ATRNL1: variants seen among roughly 807,000 people sequenced by gnomAD.
The protein encoded by ATRNL1 is attractin-like protein 1.
Under a neutral mutation model 182.7 loss-of-function variants are expected in ATRNL1, and 95 were observed. That is an observed-to-expected ratio of 0.52 (90% CI 0.44 to 0.62). ATRNL1 has a LOEUF of 0.62. Ranked by LOEUF, ATRNL1 falls within the 20% of genes least tolerant of loss-of-function variation. The pLI is 0.00. For synonymous variants in ATRNL1, 576 were observed against 568.3 expected, an observed-to-expected ratio of 1.01 and a Z score of -0.19; for missense variants, 1,471 against 1,679.5, an observed-to-expected ratio of 0.88 and a Z score of 2.17.
intron 15 of ATRNL1, among the ~76,000 whole-genome samples, chr10:115,299,539 T>A (rs1853369217): frequency 6.6e-6 from 1 of 152,122 alleles, no homozygotes; most frequent in East Asian, 1.9e-4. Context: ...GTCTTTTTGC[T>A]AGGTCTTGTT....
At chr10:115,202,973 G>T (rs536188002) in intron 8 of ATRNL1, among the ~76,000 whole-genome samples, 1 of 151,588 alleles carries the variant, frequency 6.6e-6, no homozygotes, top group African/African-American at 2.4e-5. Context: ...GAGTGTATGT[G>T]TCGAGGAATT....
intron 26 of ATRNL1, among the ~76,000 whole-genome samples, chr10:115,660,028 G>A (rs11197390): frequency 0.012 from 1,769 of 152,208 alleles, 36 homozygotes; most frequent in African/African-American, 0.04. Context: ...ACATGAACAG[G>A]TTGTAACTTT....
intron 19 of ATRNL1, among the ~76,000 whole-genome samples, chr10:115,384,829 T>C (rs1043953817): frequency 7.2e-5 from 11 of 152,018 alleles, no homozygotes; most frequent in Non-Finnish European, 1.3e-4. Context: ...TTCTGATTTC[T>C]TTCACTCAGC....
At chr10:115,293,934 T>C (rs562778528) in intron 15 of ATRNL1, among the ~76,000 whole-genome samples, 56 of 152,326 alleles carry the variant, frequency 3.7e-4, no homozygotes, top group African/African-American at 1.3e-3. Context: ...GTGTGCATTG[T>C]AGAGGACCTG....
At chr10:115,840,904 A>G (rs1469700753) in intron 27 of ATRNL1, among the ~76,000 whole-genome samples, 13 of 152,084 alleles carry the variant, frequency 8.5e-5, no homozygotes, top group African/African-American at 2.9e-4. Context: ...TGGCAGGCAC[A>G]GTTGTCTCTC....
rs77829686 is a variant in ATRNL1, at chr10:115,440,032, G to A, written c.3322+13730G>A. Among the ~76,000 whole-genome samples the A allele has an allele frequency of 2.5e-3, 386 of 151,754 alleles. 8 individuals carry two copies. The East Asian group carries it at 0.052, about 21-fold the overall frequency. On this transcript the variant is annotated intron_variant, in intron 21 of 28. Transcript: ENST00000355044. ...TTTATTTATATCGGTATGAACTCAT[G>A]GATATCTATTTAATTTTATGATTTA...
intron 28 of ATRNL1, among the ~76,000 whole-genome samples, chr10:115,874,153 T>C (rs1307335886): frequency 6.6e-6 from 1 of 152,180 alleles, no homozygotes; most frequent in African/African-American, 2.4e-5. Flanking sequence ...AGAAGATCTG[T>C]TGCCTTTTCT....
At chr10:115,605,706 G>A (rs1379384500) in intron 26 of ATRNL1, among the ~76,000 whole-genome samples, 2 of 151,790 alleles carry the variant, frequency 1.3e-5, no homozygotes, top group East Asian at 3.9e-4. Flanking sequence ...CTTTTAGTAT[G>A]CATATACAGA....
intron 19 of ATRNL1, among the ~76,000 whole-genome samples, chr10:115,347,079 T>C (rs1379698193): frequency 6.6e-6 from 1 of 152,146 alleles, no homozygotes; most frequent in African/African-American, 2.4e-5. Context: ...TTTAGGAATA[T>C]GTTCCCCTTT....
At chr10:115,925,679 T>C (rs1371943914) in intron 28 of ATRNL1, among the ~76,000 whole-genome samples, 3 of 152,020 alleles carry the variant, frequency 2.0e-5, no homozygotes, top group Non-Finnish European at 4.4e-5. Flanking sequence ...GGGCATTACA[T>C]AACGGTAGAG....
At chr10:115,267,644 CT>C (rs200342792) in intron 12 of ATRNL1, among the ~76,000 whole-genome samples, 1,781 of 152,012 alleles carry the variant, frequency 0.012, 34 homozygotes, top group African/African-American at 0.04. Flanking sequence ...ATTCAGATGT[CT>C]TTTATATCTT....
At chr10:115,841,087 T>C (rs1320283735) in intron 27 of ATRNL1, among the ~76,000 whole-genome samples, 1 of 152,126 alleles carries the variant, frequency 6.6e-6, no homozygotes, top group Non-Finnish European at 1.5e-5. Context: ...TTTTGAAAAA[T>C]GCTAACAGGA....
intron 19 of ATRNL1, among the ~76,000 whole-genome samples, chr10:115,392,342 A>G (rs1045600390): frequency 7.9e-5 from 12 of 152,146 alleles, no homozygotes; most frequent in African/African-American, 2.9e-4. Flanking sequence ...ATTCAGTGCA[A>G]TACATTTTTC....
chr10:115,495,914 T>C (rs7075419), intron 24 of ATRNL1, among the ~76,000 whole-genome samples: 5,496 of 152,232 alleles, frequency 0.036, 297 homozygotes, highest in African/African-American at 0.12. Context: ...AATATTGCCA[T>C]TGGGATGTTG....
intron 3 of ATRNL1, among the ~76,000 whole-genome samples, chr10:115,124,527 G>C (rs1554872773): frequency 6.6e-6 from 1 of 152,088 alleles, no homozygotes; most frequent in Non-Finnish European, 1.5e-5. Flanking sequence ...GTTTCATTAT[G>C]TAGCCATGAG....
chr10:115,848,088 C>T (rs1410902609), intron 28 of ATRNL1, 97 bp downstream of exon 28: 2 of 709,848 alleles, frequency 2.8e-6, no homozygotes, highest in Non-Finnish European at 4.9e-6. Flanking sequence ...AGGACCTTTG[C>T]AAGGTTCTAA....
intron 26 of ATRNL1, among the ~76,000 whole-genome samples, chr10:115,721,932 C>A (rs1947439599): frequency 6.6e-6 from 1 of 152,166 alleles, no homozygotes; most frequent in African/African-American, 2.4e-5. Context: ...AATAACTGAA[C>A]AACCTACCTG....
At chr10:115,223,929 A>AT (rs1223695295) in intron 9 of ATRNL1, among the ~76,000 whole-genome samples, 14 of 44,734 alleles carry the variant, frequency 3.1e-4, no homozygotes, top group South Asian at 7.8e-4. Flanking sequence ...ATATATATAT[A>AT]TTTTTTTTTT....
chr10:115,215,733 C>G lies in ATRNL1; in HGVS notation c.1385C>G (p.Ala462Gly). Residue 462 changes from alanine (A) to glycine (G), a missense_variant, in exon 9 of 29, where the codon GCT becomes GGT. Ala to Gly is a moderately conservative substitution (Grantham distance 60, BLOSUM62 0). Around this residue, in one of 3 missense-constraint regions of ATRNL1, gnomAD observed 1,031 missense variants for 1,156.0 expected, o/e 0.89. Transcript: ENST00000355044. ...NTWLVPETKG[A>G]IVQGGYGHTS... ...TGGCTTGTTCCAGAAACTAAAGGAG[C>G]TATTGTACAAGGTGGATATGGCCAT... 6.2e-7 allele frequency: 1 copy of G among 1,601,006 alleles called. No individual in the cohort carries two copies. The highest frequency in any genetic ancestry group is 8.5e-7 in the Non-Finnish European group (1 of 1,175,614).
Sources: allele counts gnomAD v4.1 joint callset (sites outside exome capture counted in the v4.1 genomes callset), GRCh38; gene constraint gnomAD v4.1.1; regional missense constraint gnomAD v4.1.1; transcripts MANE v1.5; gene names NCBI Gene and HGNC (gene_info 2026-07-23, HGNC 2026-07-21).